Variants in UGGT2 observed in about 807,000 individuals in gnomAD.
UGGT2 encodes the protein UDP-glucose:glycoprotein glucosyltransferase 2.
UGGT2 carries 180 observed loss-of-function variants against 192.1 expected under a neutral mutation model. The observed-to-expected ratio is 0.94, with a 90% confidence interval of 0.83 to 1.06. The LOEUF (loss-of-function observed/expected upper bound fraction) is 1.06. Among genes scored for constraint, UGGT2 ranks in the 50% least tolerant of loss-of-function variants. The pLI is 0.00. For missense variants in UGGT2, 1,849 were observed against 1,795.7 expected, an observed-to-expected ratio of 1.03 and a Z score of -0.54; for synonymous variants, 580 against 591.0, an observed-to-expected ratio of 0.98 and a Z score of 0.27.
At chr13:95,808,055 C>G (rs1884407089) in intron 38 of UGGT2, among the ~76,000 whole-genome samples, 1 of 152,034 alleles carries the variant, frequency 6.6e-6, no homozygotes, top group Non-Finnish European at 1.5e-5. Flanking sequence ...CGATAGACAC[C>G]TCCAGTGTTG....
At chr13:95,877,001 A>C (rs1891753685) in intron 29 of UGGT2, 1 of 227,574 alleles carries the variant, frequency 4.4e-6, no homozygotes, top group South Asian at 1.4e-4. Context: ...CTTGGGCCTC[A>C]GTCTCCTGAA....
chr13:95,869,280 T>C (rs570796719), intron 29 of UGGT2, among the ~76,000 whole-genome samples: 114 of 152,196 alleles, frequency 7.5e-4, no homozygotes, highest in African/African-American at 2.6e-3. Context: ...CTTAATCCAG[T>C]CTATCATTGT....
chr13:95,856,409 A>C, intron 33 of UGGT2, 69 bp from the exon 34 acceptor site: 1 of 1,532,458 alleles, frequency 6.5e-7, no homozygotes, highest in Non-Finnish European at 8.8e-7. Flanking sequence ...AGAAAAAAAT[A>C]ACATTAAAAA....
At chr13:96,025,427 T>G (rs1380061243) in intron 2 of UGGT2, among the ~76,000 whole-genome samples, 1 of 152,140 alleles carries the variant, frequency 6.6e-6, no homozygotes, top group East Asian at 1.9e-4. Flanking sequence ...CCAAGGGAAA[T>G]AAGTTCAAAA....
In UGGT2 at chr13:95,980,207, A is replaced by G. The variant is rs530220294; in HGVS notation, c.1092+3597T>C. 2.0e-5 allele frequency among the ~76,000 whole-genome samples: 3 copies of G among 152,328 alleles called. No homozygotes were observed. The East Asian group carries it at 5.8e-4, about 29-fold the overall frequency. On this transcript the variant is annotated intron_variant, in intron 10 of 38. Transcript: ENST00000376747. ...CTTGCATATGCATGTTTATAGCAGA[A>G]CAATATGCAATTGCAAAAATATGGA...
At chr13:95,872,049 A>T (rs1052143020) in intron 29 of UGGT2, among the ~76,000 whole-genome samples, 3 of 152,132 alleles carry the variant, frequency 2.0e-5, no homozygotes, top group African/African-American at 7.2e-5. Flanking sequence ...TTGGCAGAAA[A>T]GATTTTTCTA....
chr13:96,014,237 G>A (rs1001895246), intron 4 of UGGT2, among the ~76,000 whole-genome samples: 1 of 152,172 alleles, frequency 6.6e-6, no homozygotes, highest in Non-Finnish European at 1.5e-5. Context: ...TAACAAGGAT[G>A]TTGAGAAATA....
At chr13:95,845,182 A>AT (rs949251686) in intron 36 of UGGT2, among the ~76,000 whole-genome samples, 3 of 151,360 alleles carry the variant, frequency 2.0e-5, no homozygotes, top group South Asian at 4.2e-4. Flanking sequence ...TTTCTTTTAA[A>AT]TTTTTTTAGT....
chr13:95,813,360 T>G (rs909507664), intron 38 of UGGT2, among the ~76,000 whole-genome samples: 1 of 152,242 alleles, frequency 6.6e-6, no homozygotes, highest in Non-Finnish European at 1.5e-5. Context: ...ATACATGTTA[T>G]GCTTTAACAA....
intron 1 of UGGT2, among the ~76,000 whole-genome samples, chr13:96,047,299 T>C (rs1216986307): frequency 6.6e-6 from 1 of 152,138 alleles, no homozygotes; most frequent in African/African-American, 2.4e-5. Flanking sequence ...GACAGCAACA[T>C]TTGCCGTTCT....
intron 12 of UGGT2, among the ~76,000 whole-genome samples, chr13:95,954,610 T>C (rs1378258145): frequency 6.6e-6 from 1 of 152,222 alleles, no homozygotes. Context: ...AGATAACAAC[T>C]CAGCCAACTA....
intron 11 of UGGT2, among the ~76,000 whole-genome samples, chr13:95,970,662 C>T (rs984898218): frequency 6.6e-6 from 1 of 152,086 alleles, no homozygotes; most frequent in Non-Finnish European, 1.5e-5. Flanking sequence ...ACAGAGGAAG[C>T]TCCATTAAAT....
chr13:96,009,538 AG>A (rs1244582451), intron 5 of UGGT2, among the ~76,000 whole-genome samples: 3 of 152,244 alleles, frequency 2.0e-5, no homozygotes, highest in Non-Finnish European at 4.4e-5. Flanking sequence ...GGCTGGACGC[AG>A]TGGCTCACGC....
chr13:96,031,854 C>T (rs1296379813), intron 2 of UGGT2, 35 bp downstream of exon 2: 24 of 1,483,816 alleles, frequency 1.6e-5, no homozygotes, highest in Non-Finnish European at 2.0e-5. Context: ...TACATAAATA[C>T]AAATCTTACA....
chr13:95,935,879 T>G (rs1472914528), intron 17 of UGGT2, among the ~76,000 whole-genome samples: 1 of 152,200 alleles, frequency 6.6e-6, no homozygotes, highest in East Asian at 1.9e-4. Context: ...CAGGCTAGAG[T>G]GCAGTGGCAT....
chr13:96,013,453 G>A lies in UGGT2; in HGVS notation c.514C>T (p.His172Tyr), dbSNP rs1219390616. ...TTCTCTTTGTTTGTAGGAAATTTGTGATCTCCTTTAAATAGATAAGGTCTA... is the reference window on the plus strand; with the variant it reads ...TTCTCTTTGTTTGTAGGAAATTTGTAATCTCCTTTAAATAGATAAGGTCTA... ...RTRPYLFKGD[H>Y]KFPTNKENLP... is the part of the protein sequence containing the mutation. The change falls in exon 5 of 39, where the codon CAC (histidine) becomes TAC (tyrosine). Residue 172 changes from histidine (H) to tyrosine (Y), a missense_variant. His to Tyr is a moderately conservative substitution (Grantham distance 83, BLOSUM62 2). Coordinates refer to ENST00000376747, the MANE Select transcript of UGGT2 (RefSeq NM_020121.4). 2.5e-6 allele frequency: 4 copies of A among 1,597,902 alleles called. No individual in the cohort carries two copies. The Admixed American group carries it at 7.2e-5, about 29-fold the overall frequency.
At chr13:95,989,733 T>C (rs535866496) in intron 8 of UGGT2, 56 of 307,636 alleles carry the variant, frequency 1.8e-4, no homozygotes, top group African/African-American at 7.9e-4. Flanking sequence ...GTATATACTT[T>C]TGAAATAACA....
intron 28 of UGGT2, 48 bp downstream of exon 28, chr13:95,877,650 A>T: frequency 6.4e-7 from 1 of 1,563,790 alleles, no homozygotes. Flanking sequence ...GAAAACAGAG[A>T]ATTCACCAAA....
intron 6 of UGGT2, among the ~76,000 whole-genome samples, chr13:95,996,486 A>G (rs1331184293): frequency 6.0e-5 from 9 of 151,012 alleles, no homozygotes; most frequent in Non-Finnish European, 1.2e-4. Flanking sequence ...ACAGAGTAAG[A>G]CCGTGTCTAA....
Sources: gnomAD v4.1 joint callset for allele counts (sites outside exome capture counted in the v4.1 genomes callset) on GRCh38, gnomAD v4.1.1 for gene constraint, MANE v1.5 for transcripts, NCBI Gene and HGNC (gene_info 2026-07-23, HGNC 2026-07-21) for gene names.